UVRAG: variants seen among roughly 807,000 people sequenced by gnomAD.
The protein encoded by UVRAG is UV radiation resistance-associated gene protein.
UVRAG carries 19 observed loss-of-function variants against 78.0 expected under a neutral mutation model. The ratio of observed to expected loss-of-function variants is 0.24; its 90% CI spans 0.17 to 0.36. UVRAG has a LOEUF of 0.36. Among genes scored for constraint, UVRAG ranks in the 10% least tolerant of loss-of-function variants. The probability of loss-of-function intolerance (pLI) is 1.00; values close to 1 mark genes in which losing one functional copy is unlikely to be tolerated. For missense variants in UVRAG, 740 were observed against 853.8 expected (o/e 0.87, Z 1.66); for synonymous variants, 323 against 324.6 (o/e 1.00, Z 0.05).
rs546179796 is a variant in UVRAG at position 75,986,887 on chromosome 11, G to A, written c.826+3374G>A. ...TGGTCTTTTATGACCAACTTCATTTGTTTAGCGTAATATTTGTAAGGTTCA... is the reference window on the plus strand; with the variant it reads ...TGGTCTTTTATGACCAACTTCATTTATTTAGCGTAATATTTGTAAGGTTCA... On this transcript the variant is annotated intron_variant, in intron 8 of 14. Coordinates refer to ENST00000356136, the MANE Select transcript of UVRAG (RefSeq NM_003369.4). 5.3e-5 allele frequency among the ~76,000 whole-genome samples: 8 copies of A among 151,584 alleles called. No individual in the cohort carries two copies. The South Asian group carries it at 1.7e-3, about 31-fold the overall frequency.
chr11:75,858,091 A>G (rs1439500841), intron 2 of UVRAG, among the ~76,000 whole-genome samples: 3 of 151,978 alleles, frequency 2.0e-5, no homozygotes, highest in Non-Finnish European at 4.4e-5. Context: ...ACCATGCTTG[A>G]CACATACTAG....
At chr11:75,823,775 T>G (rs1945452559) in intron 1 of UVRAG, among the ~76,000 whole-genome samples, 1 of 152,208 alleles carries the variant, frequency 6.6e-6, no homozygotes, top group African/African-American at 2.4e-5. Flanking sequence ...GCTTTATATT[T>G]TATTTCCTAC....
intron 5 of UVRAG, among the ~76,000 whole-genome samples, chr11:75,894,838 T>G (rs1255446840): frequency 6.8e-6 from 1 of 147,956 alleles, no homozygotes; most frequent in Non-Finnish European, 1.5e-5. Flanking sequence ...AAAGCAGAGA[T>G]TATAGATTTC....
intron 3 of UVRAG, among the ~76,000 whole-genome samples, chr11:75,874,197 T>C (rs965705844): frequency 6.6e-6 from 1 of 151,974 alleles, no homozygotes; most frequent in Non-Finnish European, 1.5e-5. Flanking sequence ...AGATATAAAA[T>C]AAGGAAATTG....
chr11:76,100,608 A>T (rs191965305), intron 13 of UVRAG, among the ~76,000 whole-genome samples: 5 of 152,282 alleles, frequency 3.3e-5, no homozygotes, highest in Non-Finnish European at 5.9e-5. Flanking sequence ...TTTAAACAAC[A>T]TTCTTTAAAA....
At chr11:75,815,676 C>T (rs1945248098) in intron 1 of UVRAG, 152 bp downstream of exon 1, 1 of 430,870 alleles carries the variant, frequency 2.3e-6, no homozygotes, top group East Asian at 3.6e-5. Context: ...GAGGTTTGTG[C>T]GGGGAGGGGT....
At chr11:75,828,464 A>G (rs1945566924) in intron 1 of UVRAG, among the ~76,000 whole-genome samples, 1 of 146,812 alleles carries the variant, frequency 6.8e-6, no homozygotes, top group Admixed American at 6.8e-5. Flanking sequence ...AAAAAAAAAG[A>G]CACCAGTCTG....
At chr11:75,931,863 ATGT>A (rs10618531) in intron 6 of UVRAG, among the ~76,000 whole-genome samples, 13,384 of 152,154 alleles carry the variant, frequency 0.088, 995 homozygotes, top group African/African-American at 0.21. Flanking sequence ...TTTACATGTT[ATGT>A]TGTTATAATC....
At chr11:76,086,944 T>C (rs149522503) in intron 13 of UVRAG, among the ~76,000 whole-genome samples, 13 of 152,362 alleles carry the variant, frequency 8.5e-5, no homozygotes, top group African/African-American at 2.4e-4. Context: ...GCATCCCAGC[T>C]GAGGCAGCAC....
intron 5 of UVRAG, among the ~76,000 whole-genome samples, chr11:75,890,159 A>G (rs1245261047): frequency 1.3e-5 from 2 of 152,202 alleles, no homozygotes; most frequent in East Asian, 3.8e-4. Context: ...GAACTTTTAA[A>G]GGATTTTACC....
chr11:76,020,728 G>T (rs1950231257), intron 12 of UVRAG, among the ~76,000 whole-genome samples: 1 of 137,720 alleles, frequency 7.3e-6, no homozygotes, highest in South Asian at 2.4e-4. Context: ...AACTTCCTTA[G>T]CCACCCCGGC....
chr11:75,823,164 G>A (rs1945437630), intron 1 of UVRAG, among the ~76,000 whole-genome samples: 1 of 152,154 alleles, frequency 6.6e-6, no homozygotes, highest in Admixed American at 6.5e-5. Flanking sequence ...TCTGCACCAG[G>A]AACTGTGTAC....
chr11:76,014,348 G>A (rs1950108688), intron 11 of UVRAG, among the ~76,000 whole-genome samples: 1 of 152,116 alleles, frequency 6.6e-6, no homozygotes, highest in Admixed American at 6.5e-5. Flanking sequence ...GCTCCTTTCT[G>A]GAAGTTTTCA....
intron 1 of UVRAG, among the ~76,000 whole-genome samples, chr11:75,831,958 A>G (rs376257029): frequency 2.8e-4 from 43 of 152,350 alleles, no homozygotes; most frequent in African/African-American, 1.0e-3. Flanking sequence ...TAATTTACTC[A>G]TGTAATTTAT....
At chr11:75,927,511 A>G (rs557220959) in intron 6 of UVRAG, among the ~76,000 whole-genome samples, 71 of 152,348 alleles carry the variant, frequency 4.7e-4, no homozygotes, top group Middle Eastern at 3.4e-3. Context: ...TCCTATCTTC[A>G]TGGAGCGTAC....
At chr11:76,139,709 G>A (rs1349414698) in intron 14 of UVRAG, among the ~76,000 whole-genome samples, 2 of 152,140 alleles carry the variant, frequency 1.3e-5, no homozygotes, top group Non-Finnish European at 2.9e-5. Context: ...TTTCCAGGAT[G>A]TAGATACTCT....
At chr11:75,831,545 C>G (rs1945659998) in intron 1 of UVRAG, among the ~76,000 whole-genome samples, 2 of 151,688 alleles carry the variant, frequency 1.3e-5, no homozygotes, top group South Asian at 4.2e-4. Context: ...AAATATGTCA[C>G]TAGGCCATTT....
chr11:75,920,286 A>T (rs1452036873), intron 6 of UVRAG, among the ~76,000 whole-genome samples: 1 of 151,932 alleles, frequency 6.6e-6, no homozygotes, highest in Non-Finnish European at 1.5e-5. Flanking sequence ...CGGCCTCCCA[A>T]AGTGCTGGGA....
intron 12 of UVRAG, among the ~76,000 whole-genome samples, chr11:76,046,991 G>A (rs1285306575): frequency 1.3e-5 from 2 of 152,114 alleles, no homozygotes; most frequent in Non-Finnish European, 2.9e-5. Flanking sequence ...TGATTTTTAA[G>A]TGTGCTTTTG....
Sources: gnomAD v4.1 joint callset for allele counts (sites outside exome capture counted in the v4.1 genomes callset) on GRCh38, gnomAD v4.1.1 for gene constraint, MANE v1.5 for transcripts, NCBI Gene and HGNC (gene_info 2026-07-23, HGNC 2026-07-21) for gene names.